Variants in SLX4 observed in about 807,000 individuals in gnomAD.
The protein encoded by SLX4 is structure-specific endonuclease subunit SLX4.
Under a neutral mutation model 146.2 loss-of-function variants are expected in SLX4, and 112 were observed. That is an observed-to-expected ratio of 0.77 (90% CI 0.66 to 0.90). The LOEUF is 0.90. Ranked by LOEUF, SLX4 falls within the 40% of genes least tolerant of loss-of-function variation. SLX4 has a pLI of 0.00. For synonymous variants in SLX4, 1,061 were observed against 997.7 expected (o/e 1.06, Z -1.20); for missense variants, 2,563 against 2,392.7 (o/e 1.07, Z -1.49).
At chr16:3,584,649 G>A in intron 13 of SLX4, 120 bp downstream of exon 13, 1 of 821,354 alleles carries the variant, frequency 1.2e-6, no homozygotes. Flanking sequence ...GCCCAGGCCA[G>A]CTGCATCCAC....
intron 13 of SLX4, 34 bp from the exon 14 acceptor site, chr16:3,583,544 C>G: frequency 1.2e-6 from 2 of 1,612,524 alleles, no homozygotes; most frequent in Non-Finnish European, 1.7e-6. Flanking sequence ...CAGGACCCAC[C>G]CACACAGCTG....
intron 12 of SLX4, among the ~76,000 whole-genome samples, chr16:3,585,301 A>AAG (rs1463131806): frequency 6.6e-6 from 1 of 152,148 alleles, no homozygotes; most frequent in Non-Finnish European, 1.5e-5. Flanking sequence ...AAAATGGGCA[A>AAG]AGGGGCCGGG....
At position 3,608,540 on chromosome 16, in the gene SLX4, C is replaced by G. The variant is rs369420246; in HGVS notation, c.425G>C (p.Gly142Ala). The G allele has an allele frequency of 6.2e-7, 1 of 1,614,174 alleles. No individual in the cohort carries two copies. The highest frequency in any genetic ancestry group is 1.3e-5 in the African/African-American group (1 of 75,026). The change falls in exon 2 of 15, where the codon GGT becomes GCT. Residue 142 changes from glycine (G) to alanine (A), a missense_variant. Transcript: ENST00000294008. The part of the protein sequence containing the change: ...EPAHSVNGEG[G>A]VLASAPDPPV... The stretch of plus-strand genomic sequence containing the variant: ...TGGATCTGGAGCAGAGGCAAGCACA[C>G]CCCCCTCCCCATTCACAGAGTGGGC...
At position 3,597,437 on chromosome 16, in the gene SLX4, A is replaced by G. The variant is rs1377493011; in HGVS notation, c.1625T>C (p.Met542Thr). The G allele has an allele frequency of 1.9e-6, 3 of 1,609,876 alleles. No homozygotes were observed. Among genetic ancestry groups the G allele is most frequent in the African/African-American group, 2.7e-5 (2 of 74,894 alleles). ...EGSALTGAWA[M>T]EDFYTARLVP... Reference sequence around the variant, plus strand: ...CAGCCTGGCCGTGTAGAAGTCCTCCATGGCCCAGGCCCCAGTCAGTGCGCT... The same window carrying G: ...CAGCCTGGCCGTGTAGAAGTCCTCCGTGGCCCAGGCCCCAGTCAGTGCGCT... Residue 542 changes from methionine to threonine, a missense_variant, in exon 7 of 15, where the codon ATG becomes ACG. By Grantham distance (81) the Met-to-Thr change is moderately conservative. Transcript: ENST00000294008. The surrounding 1 kb of genome is among the most constrained non-coding windows in gnomAD (Gnocchi z 4.4).
In SLX4 at chr16:3,589,120, C is replaced by G; in HGVS notation, c.4518G>C (p.Leu1506=). 6.2e-7 allele frequency: 1 copy of G among 1,614,092 alleles called. No individual in the cohort carries two copies. The highest frequency in any genetic ancestry group is 8.5e-7 in the Non-Finnish European group (1 of 1,180,000). The change falls in exon 12 of 15, where the codon CTG becomes CTC. Residue 1506 remains leucine (L), a synonymous_variant. Coordinates refer to ENST00000294008, the MANE Select transcript of SLX4 (RefSeq NM_032444.4). This position sits in a 1 kb window ranked among gnomAD's most constrained non-coding sequence, Gnocchi z 6.2. ...CCCAAACGTCCCACAGAGCCGAATT[C>G]AGAAAGCTCGGCCTGCTATTCCCCA... is the stretch of plus-strand genomic sequence containing the variant. ...GSLGNSRPSF[L]NSALWDVWDG...
At chr16:3,611,479 G>C (rs2040872873) in intron 1 of SLX4, 81 bp downstream of exon 1, 1 of 152,300 alleles carries the variant, frequency 6.6e-6, no homozygotes, top group Non-Finnish European at 1.5e-5. Flanking sequence ...TTCTCCCTTA[G>C]GAAAGAGAGA....
chr16:3,598,828 C>T (rs2040696378), intron 5 of SLX4, among the ~76,000 whole-genome samples: 1 of 152,232 alleles, frequency 6.6e-6, no homozygotes, highest in Non-Finnish European at 1.5e-5. Flanking sequence ...TGGGACCCTG[C>T]TTCTGTGAAG....
At position 3,597,711 on chromosome 16, in the gene SLX4, A is replaced by G. The variant is rs1567174159; in HGVS notation, c.1367-16T>C. The stretch of plus-strand genomic sequence containing the variant: ...CTTTTATTCTCTAGAGAGAAACAAA[A>G]GCGACACCATCAACGGTGGAGTCGG... On this transcript the variant is annotated splice_polypyrimidine_tract_variant and intron_variant, in intron 6 of 14. Transcript: ENST00000294008. This position sits in a 1 kb window ranked among gnomAD's most constrained non-coding sequence, Gnocchi z 4.4. 6.2e-7 allele frequency: 1 copy of G among 1,613,176 alleles called. No homozygotes were observed. Among genetic ancestry groups the G allele is most frequent in the Non-Finnish European group, 8.5e-7 (1 of 1,179,598 alleles).
chr16:3,595,794 C>T (rs2040645688), intron 8 of SLX4, 101 bp from the exon 9 acceptor site: 6 of 1,356,060 alleles, frequency 4.4e-6, no homozygotes, highest in Middle Eastern at 3.5e-4. Context: ...CCTGCGGTGC[C>T]TCGGAAGGTG....
intron 12 of SLX4, among the ~76,000 whole-genome samples, chr16:3,585,516 G>T (rs903021278): frequency 3.3e-5 from 5 of 150,120 alleles, no homozygotes; most frequent in African/African-American, 1.2e-4. Context: ...AACCTGGGAG[G>T]CGGAGCTTGC....
chr16:3,583,455 A>ATATC lies in SLX4; in HGVS notation c.4791_4794dup (p.Phe1599AspfsTer58), dbSNP rs774025089. The stretch of plus-strand genomic sequence containing the variant: ...TCCAGGGTCTGGTGAGTGTACTGGA[A>ATATC]TATCTCCTTCAGCTTCAGAACCATC... On this transcript the variant is annotated frameshift_variant, in exon 14 of 15. Coordinates refer to ENST00000294008, the MANE Select transcript of SLX4 (RefSeq NM_032444.4). LOFTEE classifies it high-confidence loss of function. 6.2e-7 allele frequency: 1 copy of ATATC among 1,614,162 alleles called. No individual in the cohort carries two copies. The highest frequency in any genetic ancestry group is 2.2e-5 in the East Asian group (1 of 44,870).
Position 3,608,790 on chromosome 16 carries a change from A to C in SLX4, c.175T>G (p.Phe59Val), listed in dbSNP as rs1259509269. The C allele has an allele frequency of 6.2e-7, 1 of 1,614,146 alleles. No individual in the cohort carries two copies. Among genetic ancestry groups the C allele is most frequent in the South Asian group, 1.1e-5 (1 of 91,090 alleles). ...EDFKELCASFFQRVKKHGIKE... is the reference protein window; with the variant it reads ...EDFKELCASFVQRVKKHGIKE... Reference sequence around the variant, plus strand: ...ATTCCATGTTTTTTCACCCTTTGGAAAAAGCTAGCGCAGAGTTCTTTAAAG... The same window carrying C: ...ATTCCATGTTTTTTCACCCTTTGGACAAAGCTAGCGCAGAGTTCTTTAAAG... Residue 59 changes from phenylalanine (F) to valine (V), a missense_variant, in exon 2 of 15, where the codon TTC becomes GTC. Transcript: ENST00000294008.
At chr16:3,593,924 T>A (rs918586099) in intron 10 of SLX4, among the ~76,000 whole-genome samples, 1 of 152,150 alleles carries the variant, frequency 6.6e-6, no homozygotes, top group Non-Finnish European at 1.5e-5. Context: ...CAGGCTGGAG[T>A]GCAGTGGTGC....
In SLX4 at chr16:3,609,193, G is replaced by C. The variant is rs2040821637; in HGVS notation, c.-229C>G. Reference sequence around the variant, plus strand: ...ACGAGGCGGGGGGTGGATCACCTGAGGTCAGAAGTTCGAGACCAGCCTGGC... The same window carrying C: ...ACGAGGCGGGGGGTGGATCACCTGACGTCAGAAGTTCGAGACCAGCCTGGC... On this transcript the variant is annotated 5_prime_UTR_variant, in exon 2 of 15. Transcript: ENST00000294008. The C allele has an allele frequency of 2.1e-6, 1 of 487,694 alleles. No individual in the cohort carries two copies. The highest frequency in any genetic ancestry group is 3.7e-6 in the Non-Finnish European group (1 of 268,294). The allele number at this position is 487,694 out of a possible 1,614,324, so 30.2% of individuals were successfully genotyped here.
At position 3,589,237 on chromosome 16, in the gene SLX4, A is replaced by G. The variant is rs764189042; in HGVS notation, c.4401T>C (p.Cys1467=). ...RMNEAADSRD[C]RSPGLLDTTP... ...TGGTGTCCAGGAGTCCCGGGGAGCG[A>G]CAGTCACGGCTGTCGGCGGCCTCGT... The change falls in exon 12 of 15, where the codon TGT becomes TGC. Residue 1467 remains cysteine (C), a synonymous_variant. Coordinates refer to ENST00000294008, the MANE Select transcript of SLX4 (RefSeq NM_032444.4). The surrounding 1 kb of genome is among the most constrained non-coding windows in gnomAD (Gnocchi z 6.2). The G allele has an allele frequency of 6.2e-7, 1 of 1,609,394 alleles. No individual in the cohort carries two copies.
intron 8 of SLX4, 74 bp downstream of exon 8, chr16:3,596,079 A>G (rs1214665636): frequency 3.3e-6 from 5 of 1,515,508 alleles, no homozygotes; most frequent in Admixed American, 4.1e-5. Context: ...GAGCCAGTCC[A>G]TGGCAGCCTC....
chr16:3,596,430 A>G (rs1420441424), intron 7 of SLX4, 37 bp from the exon 8 acceptor site: 2 of 1,557,582 alleles, frequency 1.3e-6, no homozygotes, highest in Non-Finnish European at 1.7e-6. Context: ...CCACGTGGTC[A>G]CTGTCATTGA....
rs1035110803 is a variant in SLX4 at position 3,597,020 on chromosome 16, A to G, written c.1683+359T>C. ...GTATTCTTAGTAGAGATGGGGTTTC[A>G]CCATATTAGCCAGGCTGGTCTCGAA... On this transcript the variant is annotated intron_variant, in intron 7 of 14. Transcript: ENST00000294008. The surrounding 1 kb of genome is among the most constrained non-coding windows in gnomAD (Gnocchi z 4.4). Among the ~76,000 whole-genome samples the G allele has an allele frequency of 1.3e-5, 2 of 151,884 alleles. No individual in the cohort carries two copies. Among genetic ancestry groups the G allele is most frequent in the Admixed American group, 6.6e-5 (1 of 15,252 alleles).
At chr16:3,607,901 T>G (rs73505424) in intron 2 of SLX4, among the ~76,000 whole-genome samples, 317 of 152,326 alleles carry the variant, frequency 2.1e-3, no homozygotes, top group African/African-American at 7.3e-3. Context: ...AGCATTATTG[T>G]GTTGTTTGTG....
Sources: allele counts gnomAD v4.1 joint callset (sites outside exome capture counted in the v4.1 genomes callset), GRCh38; gene constraint gnomAD v4.1.1; non-coding constraint Gnocchi (gnomAD v3.1); transcripts MANE v1.5; gene names NCBI Gene and HGNC (gene_info 2026-07-23, HGNC 2026-07-21).